Variants in CPNE4 observed in about 807,000 individuals in gnomAD.
CPNE4 encodes the protein copine-4.
CPNE4 carries 25 observed loss-of-function variants against 67.9 expected under a neutral mutation model. That is an observed-to-expected ratio of 0.37 (90% confidence interval 0.27 to 0.51). The LOEUF is 0.51. Among genes scored for constraint, CPNE4 ranks in the 20% least tolerant of loss-of-function variants. The pLI is 0.93. For missense variants in CPNE4, 464 were observed against 690.8 expected (o/e 0.67, Z 3.68); for synonymous variants, 242 against 244.9 (o/e 0.99, Z 0.11).
chr3:131,924,899 C>T (rs1225182394), intron 1 of CPNE4, among the ~76,000 whole-genome samples: 4 of 152,156 alleles, frequency 2.6e-5, no homozygotes, highest in Admixed American at 2.0e-4. Flanking sequence ...CCTTCAGCTC[C>T]CACCTCTTCT....
At position 132,022,562 on chromosome 3, in the gene CPNE4, C is replaced by T. The variant is rs1252297018; in HGVS notation, c.-2+12005G>A. On this transcript the variant is annotated intron_variant, in intron 1 of 15. Coordinates refer to ENST00000429747, the MANE Select transcript of CPNE4 (RefSeq NM_130808.3). ...AATGTATTTCCTGTACACAAAGATGCTATACAAAAAAAAAATAATAATAAT... is the reference window on the plus strand; with the variant it reads ...AATGTATTTCCTGTACACAAAGATGTTATACAAAAAAAAAATAATAATAAT... Among the ~76,000 whole-genome samples, 3 of 64,046 alleles carry T rather than the reference C, an allele frequency of 4.7e-5. No homozygotes were observed. The East Asian group carries it at 1.0e-3, about 22-fold the overall frequency. 42.0% of individuals were successfully genotyped at this position (64,046 alleles called of 152,430 possible).
At chr3:131,979,716 T>C (rs1392087795) in intron 1 of CPNE4, among the ~76,000 whole-genome samples, 2 of 152,192 alleles carry the variant, frequency 1.3e-5, no homozygotes, top group Non-Finnish European at 2.9e-5. Flanking sequence ...ACCATTGCAT[T>C]CATCATGCTG....
At chr3:131,673,533 T>C (rs2080480084) in intron 6 of CPNE4, among the ~76,000 whole-genome samples, 1 of 152,088 alleles carries the variant, frequency 6.6e-6, no homozygotes. Context: ...ACTGTTTTCA[T>C]TGTAGAGATC....
chr3:131,767,845 C>T (rs1282944128), intron 2 of CPNE4, among the ~76,000 whole-genome samples: 2 of 151,030 alleles, frequency 1.3e-5, no homozygotes, highest in African/African-American at 4.9e-5. Context: ...ATCCATAAAG[C>T]CAAGTACCCT....
chr3:131,843,262 G>GA (rs2085865333), intron 2 of CPNE4, among the ~76,000 whole-genome samples: 1 of 152,336 alleles, frequency 6.6e-6, no homozygotes, highest in African/African-American at 2.4e-5. Context: ...GTTGCTGGCA[G>GA]AAAATCAGAG....
chr3:131,533,921 A>G lies in CPNE4; in HGVS notation c.*1274T>C. ...TCGTCCTTTTGGTTCCAGACTGGCC[A>G]GCTTATATTGAAACAAAACACCTCG... is the stretch of plus-strand genomic sequence containing the variant. On this transcript the variant is annotated 3_prime_UTR_variant, in exon 16 of 16. Coordinates refer to ENST00000429747, the MANE Select transcript of CPNE4 (RefSeq NM_130808.3). 6.6e-6 allele frequency: 1 copy of G among 152,230 alleles called. No homozygotes were observed. 9.4% of individuals were successfully genotyped at this position (152,230 alleles called of 1,614,324 possible).
chr3:132,021,386 C>G (rs1413620325), intron 1 of CPNE4, among the ~76,000 whole-genome samples: 1 of 149,322 alleles, frequency 6.7e-6, no homozygotes, highest in Non-Finnish European at 1.5e-5. Flanking sequence ...GAATAATAGT[C>G]CTTTGGATTT....
chr3:132,028,085 G>A, intron 1 of CPNE4, among the ~76,000 whole-genome samples: 1 of 152,094 alleles, frequency 6.6e-6, no homozygotes, highest in East Asian at 1.9e-4. Flanking sequence ...ACTACATACA[G>A]GGCATGGTGC....
In CPNE4 at chr3:131,719,461, A is replaced by G. The variant is rs529372400; in HGVS notation, c.360+3985T>C. Among the ~76,000 whole-genome samples the G allele has an allele frequency of 2.6e-5, 4 of 152,346 alleles. 1 individual carries two copies. The South Asian group carries it at 8.3e-4, about 32-fold the overall frequency. The stretch of plus-strand genomic sequence containing the variant: ...AAGGACTATTTGTAATCTCATTCTC[A>G]GTGCTCACTTCCACACATTCCTTCT... On this transcript the variant is annotated intron_variant, in intron 3 of 15. Coordinates refer to ENST00000429747, the MANE Select transcript of CPNE4 (RefSeq NM_130808.3).
chr3:131,926,200 G>A (rs1001719357), intron 1 of CPNE4, among the ~76,000 whole-genome samples: 2 of 152,104 alleles, frequency 1.3e-5, no homozygotes, highest in African/African-American at 2.4e-5. Context: ...CAAAAAAATT[G>A]TGAGAAACCC....
At chr3:131,540,674 T>A (rs1169010094) in intron 15 of CPNE4, among the ~76,000 whole-genome samples, 5 of 152,108 alleles carry the variant, frequency 3.3e-5, no homozygotes, top group Admixed American at 2.0e-4. Context: ...TCTGATAAAC[T>A]CAGTATGAAG....
At chr3:131,973,823 A>C (rs2072570944) in intron 1 of CPNE4, among the ~76,000 whole-genome samples, 1 of 152,264 alleles carries the variant, frequency 6.6e-6, no homozygotes, top group Admixed American at 6.5e-5. Context: ...CCCAGGAAGA[A>C]TAGGAATAAC....
intron 7 of CPNE4, among the ~76,000 whole-genome samples, chr3:131,599,454 A>G (rs538658209): frequency 3.3e-5 from 5 of 152,330 alleles, no homozygotes; most frequent in African/African-American, 1.2e-4. Flanking sequence ...TACAACATGA[A>G]CACTCTGATT....
intron 1 of CPNE4, among the ~76,000 whole-genome samples, chr3:131,966,755 A>C (rs957588983): frequency 6.6e-6 from 1 of 152,190 alleles, no homozygotes; most frequent in Non-Finnish European, 1.5e-5. Context: ...AACAAACAAA[A>C]AAAGCCCAAG....
chr3:131,888,582 A>C (rs2087988886), intron 2 of CPNE4, among the ~76,000 whole-genome samples: 1 of 152,168 alleles, frequency 6.6e-6, no homozygotes, highest in South Asian at 2.1e-4. Context: ...GAAGGGAAGA[A>C]TTTTCTTGTT....
At chr3:131,574,995 T>C in intron 10 of CPNE4, 76 bp downstream of exon 10, 2 of 1,233,578 alleles carry the variant, frequency 1.6e-6, no homozygotes, top group Non-Finnish European at 2.4e-6. Context: ...TGTCTCTTTA[T>C]CCCCCAAACC....
At chr3:131,756,590 G>A (rs1267261381) in intron 2 of CPNE4, among the ~76,000 whole-genome samples, 1 of 152,220 alleles carries the variant, frequency 6.6e-6, no homozygotes, top group South Asian at 2.1e-4. Context: ...GCCAGCTTTG[G>A]CCAGGAGATG....
intron 7 of CPNE4, among the ~76,000 whole-genome samples, chr3:131,624,063 G>T (rs1029886391): frequency 3.9e-5 from 6 of 152,108 alleles, no homozygotes; most frequent in Non-Finnish European, 7.4e-5. Context: ...TTAGTTTTGG[G>T]TGCCTGGCCT....
intron 1 of CPNE4, among the ~76,000 whole-genome samples, chr3:131,907,421 A>G (rs1359661712): frequency 6.6e-6 from 1 of 152,042 alleles, no homozygotes; most frequent in African/African-American, 2.4e-5. Flanking sequence ...TGGTACCAGC[A>G]CTACACCAGG....
Sources: allele counts gnomAD v4.1 joint callset (sites outside exome capture counted in the v4.1 genomes callset), GRCh38; gene constraint gnomAD v4.1.1; transcripts MANE v1.5; gene names NCBI Gene and HGNC (gene_info 2026-07-23, HGNC 2026-07-21).